UNC5D: variants seen among roughly 807,000 people sequenced by gnomAD.
UNC5D encodes unc-5 netrin receptor D.
A neutral mutation model predicts 105.4 loss-of-function variants in UNC5D; 39 were observed. That is an observed-to-expected ratio of 0.37 (90% CI 0.29 to 0.48). The LOEUF is 0.48. UNC5D is among the 20% of genes least tolerant of loss of function. The pLI is 0.98. For synonymous variants in UNC5D, 452 were observed against 450.4 expected (o/e 1.00, Z -0.04); for missense variants, 991 against 1,202.4 (o/e 0.82, Z 2.60).
intron 1 of UNC5D, among the ~76,000 whole-genome samples, chr8:35,423,211 A>G (rs1806028098): frequency 6.6e-6 from 1 of 152,204 alleles, no homozygotes; most frequent in South Asian, 2.1e-4. Flanking sequence ...TGTGTTGAGC[A>G]AGAGTCCTCC....
intron 8 of UNC5D, among the ~76,000 whole-genome samples, chr8:35,712,074 C>T (rs12550434): frequency 0.051 from 7,702 of 152,208 alleles, 399 homozygotes; most frequent in Admixed American, 0.11. Flanking sequence ...AGTTCGAGAC[C>T]AGCCTGGTCA....
At chr8:35,244,359 C>G (rs532865010) in intron 1 of UNC5D, among the ~76,000 whole-genome samples, 51 of 152,292 alleles carry the variant, frequency 3.3e-4, no homozygotes, top group African/African-American at 1.1e-3. Flanking sequence ...TACAGCACTT[C>G]ACTCATAGTC....
chr8:35,561,616 A>G (rs1324079150), intron 2 of UNC5D, among the ~76,000 whole-genome samples: 1 of 152,214 alleles, frequency 6.6e-6, no homozygotes, highest in Non-Finnish European at 1.5e-5. Context: ...CTTTATAAAC[A>G]TGATAACCCT....
intron 1 of UNC5D, among the ~76,000 whole-genome samples, chr8:35,527,057 A>T (rs921177355): frequency 1.3e-5 from 2 of 152,084 alleles, no homozygotes; most frequent in African/African-American, 4.8e-5. Flanking sequence ...TTAAAAAATG[A>T]CACGTATCGC....
chr8:35,336,438 C>A (rs754751608), intron 1 of UNC5D, among the ~76,000 whole-genome samples: 1 of 152,176 alleles, frequency 6.6e-6, no homozygotes, highest in Non-Finnish European at 1.5e-5. Flanking sequence ...TAATTATGCC[C>A]ATGGAGAATT....
At chr8:35,547,429 G>T (rs914728001) in intron 1 of UNC5D, among the ~76,000 whole-genome samples, 3 of 151,758 alleles carry the variant, frequency 2.0e-5, no homozygotes, top group African/African-American at 4.8e-5. Context: ...CTCTCAAGTC[G>T]CTGAGATTAC....
Position 35,794,773 on chromosome 8 carries a change from A to AG in UNC5D, c.*4212dup, listed in dbSNP as rs1803191844. 1 of 152,370 alleles carries AG rather than the reference A, an allele frequency of 6.6e-6. No homozygotes were observed. The highest frequency in any genetic ancestry group is 1.5e-5 in the Non-Finnish European group (1 of 68,022). 9.4% of individuals were successfully genotyped at this position (152,370 alleles called of 1,614,324 possible). On this transcript the variant is annotated 3_prime_UTR_variant, in exon 17 of 17. Transcript: ENST00000404895. Reference sequence around the variant, plus strand: ...GTGGTGTTTTTACAAAAGCAATTCTAGGAGAGCCAGTGTCTACCATGAACT... The same window carrying AG: ...GTGGTGTTTTTACAAAAGCAATTCTAGGGAGAGCCAGTGTCTACCATGAACT...
chr8:35,773,955 C>T (rs982240598), intron 15 of UNC5D, among the ~76,000 whole-genome samples: 4 of 152,126 alleles, frequency 2.6e-5, no homozygotes, highest in Non-Finnish European at 5.9e-5. Context: ...AACTCCTGAC[C>T]TCAGGTGATC....
intron 1 of UNC5D, among the ~76,000 whole-genome samples, chr8:35,499,166 C>T (rs950190167): frequency 5.9e-5 from 9 of 152,198 alleles, no homozygotes; most frequent in Non-Finnish European, 1.5e-5. Flanking sequence ...ATAAACACCA[C>T]ACCACAGGGG....
chr8:35,525,925 G>C (rs903134171), intron 1 of UNC5D, among the ~76,000 whole-genome samples: 1 of 152,134 alleles, frequency 6.6e-6, no homozygotes, highest in Non-Finnish European at 1.5e-5. Context: ...TTCATAAAGA[G>C]TCTACAAATA....
intron 1 of UNC5D, among the ~76,000 whole-genome samples, chr8:35,443,356 T>A (rs185093247): frequency 6.6e-6 from 1 of 150,712 alleles, no homozygotes; most frequent in Admixed American, 6.6e-5. Context: ...TCTGTGGGAG[T>A]CACAGACTCC....
At chr8:35,525,776 G>A (rs1813831002) in intron 1 of UNC5D, 13 of 1,525,814 alleles carry the variant, frequency 8.5e-6, no homozygotes, top group South Asian at 7.4e-5. Context: ...TGGGAGTGCC[G>A]TAATGTGCTC....
intron 4 of UNC5D, among the ~76,000 whole-genome samples, chr8:35,656,219 A>G (rs542056621): frequency 4.6e-5 from 7 of 152,242 alleles, no homozygotes; most frequent in Admixed American, 2.0e-4. Flanking sequence ...GATTTCCACA[A>G]TAACTTTAGT....
intron 1 of UNC5D, among the ~76,000 whole-genome samples, chr8:35,251,226 A>T (rs769376679): frequency 1.1e-4 from 16 of 152,294 alleles, no homozygotes; most frequent in South Asian, 1.0e-3. Flanking sequence ...ACAGTTCAAC[A>T]TGGCTGGGTA....
intron 10 of UNC5D, among the ~76,000 whole-genome samples, chr8:35,730,120 A>G (rs914192998): frequency 3.9e-5 from 6 of 152,192 alleles, no homozygotes; most frequent in Non-Finnish European, 8.8e-5. Context: ...TTGAGATTTT[A>G]TTTTGTAAGG....
At chr8:35,756,779 G>A (rs918924169) in intron 13 of UNC5D, among the ~76,000 whole-genome samples, 5 of 152,022 alleles carry the variant, frequency 3.3e-5, no homozygotes, top group African/African-American at 7.2e-5. Flanking sequence ...TCAATACAAC[G>A]ATTGTGTGTA....
At chr8:35,342,824 A>G (rs1443467642) in intron 1 of UNC5D, among the ~76,000 whole-genome samples, 1 of 152,116 alleles carries the variant, frequency 6.6e-6, no homozygotes, top group African/African-American at 2.4e-5. Context: ...CCATCTCTAC[A>G]TATATCTAAC....
At position 35,766,894 on chromosome 8, in the gene UNC5D, C is replaced by A; in HGVS notation, c.2314-8C>A. On this transcript the variant is annotated splice_polypyrimidine_tract_variant and splice_region_variant and intron_variant, in intron 14 of 16. Coordinates refer to ENST00000404895, the MANE Select transcript of UNC5D (RefSeq NM_080872.4). ...GCACACCATCCCTTCTCTCCGTCTC[C>A]CCTGCAGGAAGTCCCGTTCTCCCGC... 6.2e-7 allele frequency: 1 copy of A among 1,609,694 alleles called. No individual in the cohort carries two copies. Among genetic ancestry groups the A allele is most frequent in the Non-Finnish European group, 8.5e-7 (1 of 1,177,432 alleles).
intron 2 of UNC5D, among the ~76,000 whole-genome samples, chr8:35,563,805 C>T (rs1477999154): frequency 3.3e-5 from 5 of 151,756 alleles, no homozygotes; most frequent in African/African-American, 4.8e-5. Flanking sequence ...TATAATTTTT[C>T]GAGGTTTTTA....
Sources: gnomAD v4.1 joint callset for allele counts (sites outside exome capture counted in the v4.1 genomes callset) on GRCh38, gnomAD v4.1.1 for gene constraint, MANE v1.5 for transcripts, NCBI Gene and HGNC (gene_info 2026-07-23, HGNC 2026-07-21) for gene names.